Variants in TENM4 observed in about 807,000 individuals in gnomAD.
TENM4 encodes the protein teneurin transmembrane protein 4.
In TENM4, 82 loss-of-function variants were observed where a neutral mutation model predicts 243.3. The ratio of observed to expected loss-of-function variants is 0.34; its 90% CI spans 0.28 to 0.40. The LOEUF (loss-of-function observed/expected upper bound fraction) is 0.40. TENM4 is among the 10% of genes least tolerant of loss of function. The probability of loss-of-function intolerance (pLI) is 1.00; values close to 1 mark genes in which losing one functional copy is unlikely to be tolerated. For synonymous variants in TENM4, 1,412 were observed against 1,456.3 expected (o/e 0.97, Z 0.69); for missense variants, 3,138 against 3,673.3 (o/e 0.85, Z 3.77).
At chr11:78,765,334 T>G (rs1378323220) in intron 18 of TENM4, among the ~76,000 whole-genome samples, 8 of 152,230 alleles carry the variant, frequency 5.3e-5, no homozygotes, top group Non-Finnish European at 1.2e-4. Flanking sequence ...TCTCTTATCA[T>G]GAGAAATGTG....
At chr11:79,325,300 C>T (rs1016118587) in intron 1 of TENM4, among the ~76,000 whole-genome samples, 1 of 152,212 alleles carries the variant, frequency 6.6e-6, no homozygotes, top group African/African-American at 2.4e-5. Flanking sequence ...AGGCTACCTT[C>T]ATCCTGTCAA....
intron 12 of TENM4, among the ~76,000 whole-genome samples, chr11:78,827,948 T>A (rs1857894928): frequency 6.6e-6 from 1 of 152,226 alleles, no homozygotes; most frequent in African/African-American, 2.4e-5. Context: ...GTATGGCTGT[T>A]TTCCCCTAGT....
At chr11:79,264,083 G>T (rs1044558397) in intron 2 of TENM4, among the ~76,000 whole-genome samples, 9 of 152,202 alleles carry the variant, frequency 5.9e-5, no homozygotes, top group Non-Finnish European at 1.2e-4. Flanking sequence ...AAAAAGAGAT[G>T]TTCAAGTAGG....
chr11:79,115,304 A>G (rs1051432197), intron 4 of TENM4, among the ~76,000 whole-genome samples: 3 of 152,064 alleles, frequency 2.0e-5, no homozygotes, highest in Non-Finnish European at 4.4e-5. Context: ...GGCAGAGGAG[A>G]GGGCTGGGGA....
intron 3 of TENM4, among the ~76,000 whole-genome samples, chr11:79,198,262 A>G (rs1461012560): frequency 6.6e-6 from 1 of 152,186 alleles, no homozygotes; most frequent in Non-Finnish European, 1.5e-5. Context: ...TTTCCTAACA[A>G]AGGCTCTTGT....
intron 3 of TENM4, among the ~76,000 whole-genome samples, chr11:79,201,363 G>T (rs1227121246): frequency 6.6e-6 from 1 of 152,150 alleles, no homozygotes; most frequent in African/African-American, 2.4e-5. Context: ...GGCTAGTCCA[G>T]CTCTGCCATA....
Position 78,676,876 on chromosome 11 carries a change from AG to A in TENM4, c.5261-490del, listed in dbSNP as rs542171813. 1.3e-4 allele frequency among the ~76,000 whole-genome samples: 20 copies of A among 152,360 alleles called. No individual in the cohort carries two copies. In the East Asian group the frequency reaches 3.7e-3, roughly 28 times the overall value. ...GTTTAAACATTATTCTAAGTGAAAA[AG>A]AAGTCACATGTAAAAGGCTACATAT... On this transcript the variant is annotated intron_variant, in intron 29 of 33. Coordinates refer to ENST00000278550, the MANE Select transcript of TENM4 (RefSeq NM_001098816.3).
intron 1 of TENM4, among the ~76,000 whole-genome samples, chr11:79,372,312 C>T (rs1421318434): frequency 6.6e-6 from 1 of 152,076 alleles, no homozygotes; most frequent in Non-Finnish European, 1.5e-5. Flanking sequence ...TTTTCTTTTG[C>T]AGTAAAATGT....
chr11:79,132,408 T>C (rs1862027649), intron 4 of TENM4, among the ~76,000 whole-genome samples: 1 of 144,164 alleles, frequency 6.9e-6, no homozygotes, highest in African/African-American at 2.6e-5. Context: ...GGGACTTCAG[T>C]ACTCCACTGA....
Position 78,812,200 on chromosome 11 carries a change from C to G in TENM4, c.1900G>C (p.Ala634Pro), listed in dbSNP as rs953890233. The G allele has an allele frequency of 1.3e-6, 2 of 1,551,860 alleles. No homozygotes were observed. The highest frequency in any genetic ancestry group is 8.7e-7 in the Non-Finnish European group (1 of 1,147,060). Residue 634 changes from alanine (A) to proline (P), a missense_variant, in exon 14 of 34, where the codon GCC becomes CCC. Ala to Pro is a conservative substitution (Grantham distance 27). Around this residue, in one of 2 missense-constraint regions of TENM4, gnomAD observed 2,467 missense variants for 3,059.1 expected, o/e 0.81. Coordinates refer to ENST00000278550, the MANE Select transcript of TENM4 (RefSeq NM_001098816.3). ...ATGCAGGTGCCATGGTTGCTGCAGG[C>G]CACATCGATACACTGGTTGGTGGGC... ...DVPTNQCIDV[A>P]CSNHGTCITG... is the part of the protein sequence containing the mutation.
In TENM4 at chr11:78,793,703, A is replaced by G. The variant is rs78729045; in HGVS notation, c.2180-6620T>C. ...CAACTGTTGTTGTTGGAACACAAAT[A>G]TTAACTCATTAAATTCTCTCAATAG... On this transcript the variant is annotated intron_variant, in intron 15 of 33. Transcript: ENST00000278550. Among the ~76,000 whole-genome samples, 414 of 152,364 alleles carry G rather than the reference A, an allele frequency of 2.7e-3. 1 individual carries two copies. The highest frequency in any genetic ancestry group is 9.7e-3 in the African/African-American group (405 of 41,586).
intron 26 of TENM4, among the ~76,000 whole-genome samples, chr11:78,710,128 C>G: frequency 6.6e-6 from 1 of 152,226 alleles, no homozygotes. Context: ...AGGAAGCCTT[C>G]ACCAAGGTGG....
intron 6 of TENM4, among the ~76,000 whole-genome samples, chr11:79,045,720 C>T (rs574245324): frequency 2.1e-5 from 1 of 48,504 alleles, no homozygotes; most frequent in East Asian, 2.7e-4. Context: ...AACTGGATGA[C>T]GCCTTTTTTT....
intron 7 of TENM4, among the ~76,000 whole-genome samples, chr11:78,895,150 T>C (rs187165617): frequency 1.9e-3 from 283 of 152,032 alleles, no homozygotes; most frequent in South Asian, 3.5e-3. Flanking sequence ...GAGACCATCC[T>C]GGCTAACACG....
rs1054669562 is a variant in TENM4 at position 78,966,784 on chromosome 11, C to T, written c.494-63261G>A. ...ATCTGTCTCCCCACCTGTCCCCTTA[C>T]CTCCCAAGTCTCATTGTTACCATTA... is the stretch of plus-strand genomic sequence containing the variant. On this transcript the variant is annotated intron_variant, in intron 6 of 33. Coordinates refer to ENST00000278550, the MANE Select transcript of TENM4 (RefSeq NM_001098816.3). 2.0e-5 allele frequency among the ~76,000 whole-genome samples: 3 copies of T among 152,296 alleles called. No individual in the cohort carries two copies. In the East Asian group the frequency reaches 5.8e-4, roughly 29 times the overall value.
intron 2 of TENM4, among the ~76,000 whole-genome samples, chr11:79,267,844 G>A (rs974081218): frequency 2.0e-5 from 3 of 152,148 alleles, no homozygotes; most frequent in African/African-American, 7.2e-5. Flanking sequence ...TGCCCCAGAT[G>A]TACCACTTCA....
intron 2 of TENM4, among the ~76,000 whole-genome samples, chr11:79,234,976 C>G (rs1864437376): frequency 6.6e-6 from 1 of 152,092 alleles, no homozygotes; most frequent in Non-Finnish European, 1.5e-5. Flanking sequence ...AGCCACAGGG[C>G]CTTGTTAAAA....
intron 15 of TENM4, among the ~76,000 whole-genome samples, chr11:78,800,530 G>A (rs1041157874): frequency 2.0e-5 from 3 of 152,252 alleles, no homozygotes; most frequent in Admixed American, 6.5e-5. Flanking sequence ...GAAGGGATTA[G>A]GTTCGCTGTC....
intron 6 of TENM4, among the ~76,000 whole-genome samples, chr11:79,018,427 C>T (rs1218362802): frequency 6.6e-6 from 1 of 152,104 alleles, no homozygotes; most frequent in Non-Finnish European, 1.5e-5. Context: ...TCCACTATCT[C>T]CAGAACCTCC....
Sources: allele counts gnomAD v4.1 joint callset (sites outside exome capture counted in the v4.1 genomes callset), GRCh38; gene constraint gnomAD v4.1.1; regional missense constraint gnomAD v4.1.1; transcripts MANE v1.5; gene names NCBI Gene and HGNC (gene_info 2026-07-23, HGNC 2026-07-21).